IFI27L1: variants seen among roughly 807,000 people sequenced by gnomAD.
IFI27L1 encodes the protein interferon alpha-inducible protein 27-like protein 1.
A neutral mutation model predicts 9.2 loss-of-function variants in IFI27L1; 3 were observed. The observed-to-expected ratio is 0.32, with a 90% CI of 0.15 to 0.84. IFI27L1 has a LOEUF of 0.84. IFI27L1 is among the 40% of genes least tolerant of loss of function. IFI27L1 has a pLI of 0.56. For missense variants in IFI27L1, 133 were observed against 134.2 expected (o/e 0.99, Z 0.05); for synonymous variants, 53 against 50.0 (o/e 1.06, Z -0.26).
At chr14:94,094,749 G>A (rs1886606361) in intron 1 of IFI27L1, 1 of 152,240 alleles carries the variant, frequency 6.6e-6, no homozygotes, top group African/African-American at 2.4e-5. Context: ...TTGGCTTGAA[G>A]TCTTCCTGTG....
intron 4 of IFI27L1, 77 bp from the exon 5 acceptor site, chr14:94,102,400 G>GCA: frequency 1.2e-6 from 1 of 862,696 alleles, no homozygotes; most frequent in Non-Finnish European, 1.8e-6. Context: ...GAGGGACCAG[G>GCA]GTCTCTGGCC....
chr14:94,090,962 G>T (rs911499758), intron 1 of IFI27L1, among the ~76,000 whole-genome samples: 3 of 152,172 alleles, frequency 2.0e-5, no homozygotes, highest in Non-Finnish European at 2.9e-5. Context: ...ATTATCAAAA[G>T]TTGTAAATAG....
chr14:94,083,516 T>C (rs1385590544), intron 1 of IFI27L1, among the ~76,000 whole-genome samples: 5 of 152,220 alleles, frequency 3.3e-5, no homozygotes, highest in Non-Finnish European at 7.3e-5. Flanking sequence ...AGTCAATCCA[T>C]GCAGCAAACT....
chr14:94,096,482 T>C (rs796538205), intron 1 of IFI27L1, among the ~76,000 whole-genome samples: 4 of 152,194 alleles, frequency 2.6e-5, no homozygotes, highest in African/African-American at 9.6e-5. Context: ...GATCACGAGG[T>C]CAGGGATTCG....
chr14:94,094,384 AT>A (rs1267711069), intron 1 of IFI27L1, among the ~76,000 whole-genome samples: 1 of 152,088 alleles, frequency 6.6e-6, no homozygotes, highest in Non-Finnish European at 1.5e-5. Flanking sequence ...GGCCGCCTGA[AT>A]TTTTGAGTCA....
intron 2 of IFI27L1, among the ~76,000 whole-genome samples, chr14:94,099,554 G>A (rs1434179756): frequency 6.6e-6 from 1 of 152,162 alleles, no homozygotes; most frequent in Non-Finnish European, 1.5e-5. Context: ...GGAGGCACAG[G>A]AGGACCCTCC....
intron 3 of IFI27L1, chr14:94,101,239 CATA>C (rs1886884173): frequency 1.6e-5 from 4 of 250,126 alleles, no homozygotes; most frequent in Admixed American, 9.8e-5. Context: ...TAAAGAAAAT[CATA>C]ATGTTTCTCT....
chr14:94,099,697 A>G (rs1886820101), intron 2 of IFI27L1, among the ~76,000 whole-genome samples: 1 of 152,144 alleles, frequency 6.6e-6, no homozygotes, highest in Non-Finnish European at 1.5e-5. Context: ...CAGCCTAGGA[A>G]ACTAAGACAG....
At chr14:94,101,776 G>A (rs769435068) in intron 3 of IFI27L1, 38 bp from the exon 4 acceptor site, 17 of 1,611,750 alleles carry the variant, frequency 1.1e-5, no homozygotes, top group South Asian at 3.3e-5. Context: ...GGGGGACTCC[G>A]TCCCATGGGG....
chr14:94,092,835 G>A (rs1052844145), intron 1 of IFI27L1, among the ~76,000 whole-genome samples: 1 of 152,142 alleles, frequency 6.6e-6, no homozygotes, highest in African/African-American at 2.4e-5. Flanking sequence ...TGCTGTTCTC[G>A]TGGTAGTAAG....
At chr14:94,089,577 T>C (rs1886400471) in intron 1 of IFI27L1, among the ~76,000 whole-genome samples, 1 of 152,220 alleles carries the variant, frequency 6.6e-6, no homozygotes, top group South Asian at 2.1e-4. Context: ...TTTATCAGCA[T>C]GGTCTTTGTG....
Position 94,100,783 on chromosome 14 carries a change from T to G in IFI27L1, c.61+12T>G. Reference sequence around the variant, plus strand: ...TGTGGTCGGAGGAGGTGAGTCTCTATGGGAAGGAACTCAAGCCCCCATCCC... The same window carrying G: ...TGTGGTCGGAGGAGGTGAGTCTCTAGGGGAAGGAACTCAAGCCCCCATCCC... On this transcript the variant is annotated intron_variant, in intron 3 of 4. Transcript: ENST00000555523. 1 of 1,613,514 alleles carries G rather than the reference T, an allele frequency of 6.2e-7. No homozygotes were observed. The highest frequency in any genetic ancestry group is 8.5e-7 in the Non-Finnish European group (1 of 1,179,862).
At chr14:94,093,526 A>G (rs2139268936) in intron 1 of IFI27L1, among the ~76,000 whole-genome samples, 1 of 152,222 alleles carries the variant, frequency 6.6e-6, no homozygotes, top group South Asian at 2.1e-4. Flanking sequence ...TCCATCCCAC[A>G]TAGAAGATTT....
intron 2 of IFI27L1, chr14:94,097,569 G>A (rs909817515): frequency 3.6e-5 from 25 of 699,590 alleles, no homozygotes; most frequent in Non-Finnish European, 5.2e-5. Context: ...CAGAGGCAGA[G>A]AGACAAGTTA....
At chr14:94,087,281 G>A (rs563562577) in intron 1 of IFI27L1, among the ~76,000 whole-genome samples, 29 of 152,352 alleles carry the variant, frequency 1.9e-4, no homozygotes, top group Non-Finnish European at 1.2e-4. Flanking sequence ...TTTTGTGTAA[G>A]GTTGTGATGG....
At chr14:94,090,355 C>T (rs994262954) in intron 1 of IFI27L1, among the ~76,000 whole-genome samples, 2 of 152,182 alleles carry the variant, frequency 1.3e-5, no homozygotes, top group African/African-American at 4.8e-5. Flanking sequence ...TTTTCTCTCT[C>T]CAGTCCTCAT....
intron 2 of IFI27L1, chr14:94,100,233 C>T (rs1886841624): frequency 1.0e-6 from 1 of 977,894 alleles, no homozygotes; most frequent in Non-Finnish European, 1.2e-6. Flanking sequence ...CAAGAAATGG[C>T]AGGGAGTGAT....
chr14:94,093,162 C>CTT (rs1886541677), intron 1 of IFI27L1, among the ~76,000 whole-genome samples: 1 of 134,318 alleles, frequency 7.4e-6, no homozygotes, highest in African/African-American at 2.9e-5. Context: ...GACTGCATTT[C>CTT]TTTTCTTTTT....
intron 1 of IFI27L1, among the ~76,000 whole-genome samples, chr14:94,089,713 T>G (rs115114272): frequency 0.017 from 2,565 of 152,262 alleles, 67 homozygotes; most frequent in African/African-American, 0.053. Context: ...GTCACTCTGG[T>G]TCAAATGCTT....
Sources: allele counts gnomAD v4.1 joint callset (sites outside exome capture counted in the v4.1 genomes callset), GRCh38; gene constraint gnomAD v4.1.1; transcripts MANE v1.5; gene names NCBI Gene and HGNC (gene_info 2026-07-23, HGNC 2026-07-21).